RAVER2: variants seen among roughly 807,000 people sequenced by gnomAD.
The protein encoded by RAVER2 is ribonucleoprotein PTB-binding 2.
Under a neutral mutation model 78.1 loss-of-function variants are expected in RAVER2, and 46 were observed. The observed-to-expected ratio is 0.59, with a 90% CI of 0.46 to 0.75. The LOEUF (loss-of-function observed/expected upper bound fraction) is 0.75. Among genes scored for constraint, RAVER2 ranks in the 30% least tolerant of loss-of-function variants. The pLI is 0.00. For synonymous variants in RAVER2, 311 were observed against 313.3 expected (o/e 0.99, Z 0.08); for missense variants, 793 against 837.5 (o/e 0.95, Z 0.66).
At chr1:64,806,525 T>C (rs1301758061) in intron 8 of RAVER2, among the ~76,000 whole-genome samples, 1 of 152,192 alleles carries the variant, frequency 6.6e-6, no homozygotes, top group East Asian at 1.9e-4. Flanking sequence ...AATACTGATT[T>C]AAAAAAAGAA....
intron 2 of RAVER2, among the ~76,000 whole-genome samples, chr1:64,772,595 TC>T (rs1652350147): frequency 6.6e-6 from 1 of 152,116 alleles, no homozygotes; most frequent in South Asian, 2.1e-4. Flanking sequence ...AATGGTTAAC[TC>T]TAAGAGAGGA....
At chr1:64,814,801 G>A in exon 11 of RAVER2, 3 of 1,587,022 alleles carry the variant, frequency 1.9e-6, no homozygotes, top group Non-Finnish European at 2.6e-6. Context: ...CATTGGAAAA[G>A]TGCATTGCTT....
At chr1:64,802,835 G>T in intron 5 of RAVER2, 141 bp from the exon 6 acceptor site, 1 of 485,378 alleles carries the variant, frequency 2.1e-6, no homozygotes, top group Non-Finnish European at 3.7e-6. Context: ...TTTGACCAAT[G>T]ACAAGGTCAC....
At chr1:64,809,588 G>A (rs1181500936) in intron 9 of RAVER2, among the ~76,000 whole-genome samples, 1 of 152,102 alleles carries the variant, frequency 6.6e-6, no homozygotes, top group Admixed American at 6.5e-5. Context: ...ATGATAACCA[G>A]TTTCTGTTTA....
At chr1:64,828,279 C>T (rs970825613) in intron 11 of RAVER2, among the ~76,000 whole-genome samples, 3 of 151,532 alleles carry the variant, frequency 2.0e-5, no homozygotes, top group Non-Finnish European at 4.4e-5. Context: ...TCTTCCTTCC[C>T]CTCCTAGGAT....
At chr1:64,751,115 A>T (rs1173563910) in intron 1 of RAVER2, among the ~76,000 whole-genome samples, 1 of 152,264 alleles carries the variant, frequency 6.6e-6, no homozygotes, top group Non-Finnish European at 1.5e-5. Flanking sequence ...AAGAAATCTC[A>T]TGTAATCTAT....
At position 64,809,193 on chromosome 1, in the gene RAVER2, C is replaced by T. The variant is rs941199799; in HGVS notation, c.1680+1719C>T. ...TTAATATAAGGAAGAACAATTCAAG[C>T]TTTTAAGCAAAGAGAAAGTTTATTT... On this transcript the variant is annotated intron_variant, in intron 9 of 11. Coordinates refer to ENST00000294428, the Ensembl canonical transcript of RAVER2. Among the ~76,000 whole-genome samples, 7 of 152,216 alleles carry T rather than the reference C, an allele frequency of 4.6e-5. No homozygotes were observed. In the East Asian group the frequency reaches 1.3e-3, roughly 29 times the overall value.
chr1:64,787,638 T>TA (rs1414030094), intron 4 of RAVER2, among the ~76,000 whole-genome samples: 5 of 152,194 alleles, frequency 3.3e-5, no homozygotes, highest in African/African-American at 4.8e-5. Flanking sequence ...TCTGCCCGCC[T>TA]AGTGTTATCT....
At chr1:64,787,800 T>G (rs1652823598) in intron 4 of RAVER2, among the ~76,000 whole-genome samples, 1 of 152,202 alleles carries the variant, frequency 6.6e-6, no homozygotes, top group Non-Finnish European at 1.5e-5. Flanking sequence ...TCAAAAGTCC[T>G]TCCCTGAATT....
intron 11 of RAVER2, among the ~76,000 whole-genome samples, chr1:64,823,802 A>ATTTTT (rs759134955): frequency 2.4e-5 from 3 of 122,844 alleles, no homozygotes; most frequent in African/African-American, 6.3e-5. Context: ...GTAAGTTGTG[A>ATTTTT]TTTTTTTTTT....
chr1:64,771,683 T>C (rs1250031965), intron 2 of RAVER2, among the ~76,000 whole-genome samples: 1 of 152,102 alleles, frequency 6.6e-6, no homozygotes, highest in East Asian at 1.9e-4. Flanking sequence ...TGAAGTCTCT[T>C]ATACAGTACA....
At chr1:64,759,774 G>A (rs756339828) in intron 1 of RAVER2, among the ~76,000 whole-genome samples, 3 of 151,022 alleles carry the variant, frequency 2.0e-5, no homozygotes, top group South Asian at 2.1e-4. Context: ...CCTTGGCCTC[G>A]CAAAGTGCAG....
chr1:64,776,917 T>TAGC (rs1313173638), intron 2 of RAVER2, among the ~76,000 whole-genome samples: 15 of 152,248 alleles, frequency 9.9e-5, no homozygotes, highest in Non-Finnish European at 1.5e-5. Flanking sequence ...CTGGAACAAC[T>TAGC]TCATTAGCTA....
chr1:64,774,785 A>T (rs1028344561), intron 2 of RAVER2, among the ~76,000 whole-genome samples: 11 of 152,020 alleles, frequency 7.2e-5, no homozygotes, highest in Admixed American at 2.0e-4. Context: ...CATTTTTACG[A>T]TATTGATTCT....
intron 1 of RAVER2, among the ~76,000 whole-genome samples, chr1:64,763,664 G>A (rs537375963): frequency 5.8e-4 from 88 of 152,182 alleles, no homozygotes; most frequent in African/African-American, 1.8e-3. Flanking sequence ...CACTTTGGGC[G>A]GCTGAGACGG....
chr1:64,749,134 C>T (rs1651624612), intron 1 of RAVER2, among the ~76,000 whole-genome samples: 1 of 152,130 alleles, frequency 6.6e-6, no homozygotes, highest in Non-Finnish European at 1.5e-5. Context: ...CCACTGCACC[C>T]AGCCATCAGT....
intron 11 of RAVER2, among the ~76,000 whole-genome samples, chr1:64,828,462 T>C (rs1400426841): frequency 6.6e-6 from 1 of 152,172 alleles, no homozygotes; most frequent in Admixed American, 6.5e-5. Flanking sequence ...CTTTTGTGTT[T>C]TGTTGTGGTT....
chr1:64,775,281 C>A (rs1476198276), intron 2 of RAVER2, among the ~76,000 whole-genome samples: 1 of 152,210 alleles, frequency 6.6e-6, no homozygotes, highest in Non-Finnish European at 1.5e-5. Context: ...AGGCCTTTTG[C>A]AAGTCCTCAG....
intron 2 of RAVER2, among the ~76,000 whole-genome samples, chr1:64,771,693 A>T (rs1018137935): frequency 6.6e-6 from 1 of 152,128 alleles, no homozygotes; most frequent in East Asian, 1.9e-4. Flanking sequence ...TATACAGTAC[A>T]TGAAGTGGTG....
Sources: allele counts gnomAD v4.1 joint callset (sites outside exome capture counted in the v4.1 genomes callset), GRCh38; gene constraint gnomAD v4.1.1; transcripts MANE v1.5; gene names NCBI Gene and HGNC (gene_info 2026-07-23, HGNC 2026-07-21).